The following OR2T6 variants were observed in gnomAD, a reference collection of about 807,000 sequenced individuals.
OR2T6 encodes olfactory receptor family 2 subfamily T member 6.
For synonymous variants in OR2T6, 174 were observed against 148.0 expected (o/e 1.18, Z -1.27); for missense variants, 424 against 391.6 (o/e 1.08, Z -0.70).
At chr1:248,383,338 C>T (rs78743512) in intron 1 of OR2T6, among the ~76,000 whole-genome samples, 9 of 101,910 alleles carry the variant, frequency 8.8e-5, no homozygotes, top group South Asian at 3.9e-4. Context: ...AAGCACTGCA[C>T]TAGCCTGAGT....
Position 248,387,798 on chromosome 1 carries a change from A to T in OR2T6, c.190A>T (p.Ser64Cys). Residue 64 changes from serine to cysteine, a missense_variant, in exon 3 of 3, where the codon AGC becomes TGC. Physicochemically the swap from Ser to Cys is moderately radical, Grantham distance 112. Transcript: ENST00000641644. ...CCACACCCCCATGTACTTCCTCCTC[A>T]GCCACCTCTCCGTCATTGACACATT... ...HLHTPMYFLL[S>C]HLSVIDTLYI... The T allele has an allele frequency of 6.2e-7, 1 of 1,610,500 alleles. No homozygotes were observed. Among genetic ancestry groups the T allele is most frequent in the South Asian group, 1.1e-5 (1 of 90,944 alleles).
chr1:248,387,215 G>A (rs945136435), intron 2 of OR2T6, among the ~76,000 whole-genome samples: 9 of 152,242 alleles, frequency 5.9e-5, no homozygotes, highest in Middle Eastern at 6.8e-3. Context: ...ATGGCCTATT[G>A]AATTATTTTA....
chr1:248,388,670 G>A lies in OR2T6; in HGVS notation c.*135G>A, dbSNP rs148195691. On this transcript the variant is annotated 3_prime_UTR_variant, in exon 3 of 3. Coordinates refer to ENST00000641644, the MANE Select transcript of OR2T6 (RefSeq NM_001005471.2). ...CTTTCAATACCAGCTGTGCTAAATG[G>A]TGTATCAACAGTACCCCCATCAAAA... The A allele has an allele frequency of 6.3e-4, 386 of 615,740 alleles. No homozygotes were observed. The highest frequency in any genetic ancestry group is 9.0e-4 in the Non-Finnish European group (335 of 371,222). The allele number at this position is 615,740 out of a possible 1,614,324, so 38.1% of individuals were successfully genotyped here.
chr1:248,390,883 A>G lies in OR2T6; in HGVS notation c.*2348A>G, dbSNP rs1056056904. ...TTTTTTATAAAATTTGACTTAATAC[A>G]TACTTTTTTTCTTGTAAGATTTTAA... On this transcript the variant is annotated 3_prime_UTR_variant, in exon 3 of 3. Transcript: ENST00000641644. 11 of 152,200 alleles carry G rather than the reference A, an allele frequency of 7.2e-5. No individual in the cohort carries two copies. Among genetic ancestry groups the G allele is most frequent in the African/African-American group, 1.4e-4 (6 of 41,450 alleles). 9.4% of individuals were successfully genotyped at this position (152,200 alleles called of 1,614,324 possible).
In OR2T6 at chr1:248,388,132, A is replaced by G. The variant is rs772603250; in HGVS notation, c.524A>G (p.Asn175Ser). The change falls in exon 3 of 3, where the codon AAT becomes AGT. Residue 175 changes from asparagine (N) to serine (S), a missense_variant. By Grantham distance (46) the Asn-to-Ser change is conservative. Coordinates refer to ENST00000641644, the MANE Select transcript of OR2T6 (RefSeq NM_001005471.2). Reference sequence around the variant, plus strand: ...CCGTTCTGTGCCTCTCACCAAATCAATCACTTTTTCTGTGAGGCACCCACC... The same window carrying G: ...CCGTTCTGTGCCTCTCACCAAATCAGTCACTTTTTCTGTGAGGCACCCACC... ...SLPFCASHQI[N>S]HFFCEAPTML... The G allele has an allele frequency of 4.3e-6, 7 of 1,613,620 alleles. 1 individual carries two copies. The South Asian group carries it at 7.7e-5, about 18-fold the overall frequency.
intron 1 of OR2T6, among the ~76,000 whole-genome samples, chr1:248,377,604 A>G (rs1333149319): frequency 6.6e-6 from 1 of 152,246 alleles, no homozygotes; most frequent in African/African-American, 2.4e-5. Context: ...CGCGTCACAG[A>G]AAGACTCAAG....
intron 1 of OR2T6, among the ~76,000 whole-genome samples, chr1:248,376,348 T>C (rs1660938757): frequency 6.6e-6 from 1 of 152,198 alleles, no homozygotes; most frequent in Non-Finnish European, 1.5e-5. Flanking sequence ...AGGAAATGAA[T>C]TAAGCATAAT....
intron 1 of OR2T6, among the ~76,000 whole-genome samples, chr1:248,383,454 A>G (rs1182290905): frequency 5.6e-5 from 3 of 53,238 alleles, no homozygotes; most frequent in Non-Finnish European, 1.3e-4. Flanking sequence ...TAGTGTTATC[A>G]TCATGGAGAA....
At chr1:248,378,232 A>G (rs1660970530) in intron 1 of OR2T6, among the ~76,000 whole-genome samples, 1 of 152,212 alleles carries the variant, frequency 6.6e-6, no homozygotes, top group South Asian at 2.1e-4. Flanking sequence ...TTGTACTTAC[A>G]CTAGCAGTGT....
rs116441189 is a variant in OR2T6, at chr1:248,387,894, G to A, written c.286G>A (p.Ala96Thr). The stretch of plus-strand genomic sequence containing the variant: ...GGGCGAGGGGACCATCTCTTTCATC[G>A]CCTGCACTGCTCAGTGCTTTCTCTA... ...LMGEGTISFI[A>T]CTAQCFLYMG... The change falls in exon 3 of 3, where the codon GCC (alanine) becomes ACC (threonine). Residue 96 changes from alanine (A) to threonine (T), a missense_variant. Physicochemically the swap from Ala to Thr is moderately conservative, Grantham distance 58. Coordinates refer to ENST00000641644, the MANE Select transcript of OR2T6 (RefSeq NM_001005471.2). 981 of 1,598,934 alleles carry A rather than the reference G, an allele frequency of 6.1e-4. 5 individuals are homozygous for A. In the African/African-American group the frequency reaches 0.011, roughly 18 times the overall value.
chr1:248,381,081 C>G (rs1030776455), intron 1 of OR2T6, among the ~76,000 whole-genome samples: 1 of 151,964 alleles, frequency 6.6e-6, no homozygotes, highest in Non-Finnish European at 1.5e-5. Context: ...CTCATTTCAT[C>G]ATATGCTTCG....
At chr1:248,385,315 A>G (rs749714052) in intron 2 of OR2T6, among the ~76,000 whole-genome samples, 4 of 152,200 alleles carry the variant, frequency 2.6e-5, no homozygotes, top group Admixed American at 6.5e-5. Context: ...AAAAAATTGA[A>G]TCGTTTCTGT....
In OR2T6 at chr1:248,376,070, C is replaced by T. The variant is rs1408548968; in HGVS notation, c.-159+16C>T. 6.6e-6 allele frequency: 1 copy of T among 152,182 alleles called. No homozygotes were observed. Among genetic ancestry groups the T allele is most frequent in the African/African-American group, 2.4e-5 (1 of 41,432 alleles). The allele number at this position is 152,182 out of a possible 1,614,324, so 9.4% of individuals were successfully genotyped here. Reference sequence around the variant, plus strand: ...ATACCTGTAAGTGATCCACTATCATCAACTTATATCTCCATACTCACAGTA... The same window carrying T: ...ATACCTGTAAGTGATCCACTATCATTAACTTATATCTCCATACTCACAGTA... On this transcript the variant is annotated intron_variant, in intron 1 of 2. Transcript: ENST00000641644.
At chr1:248,384,545 A>G (rs529631354) in intron 1 of OR2T6, among the ~76,000 whole-genome samples, 166 bp from the exon 2 acceptor site, 7 of 122,134 alleles carry the variant, frequency 5.7e-5, no homozygotes, top group Non-Finnish European at 3.3e-5. Context: ...TGTTATCATC[A>G]TGGAGAAAGC....
Position 248,387,618 on chromosome 1 carries a change from A to G in OR2T6, c.10A>G (p.Asn4Asp), listed in dbSNP as rs1219698582. 3 of 1,575,106 alleles carry G rather than the reference A, an allele frequency of 1.9e-6. No homozygotes were observed. Among genetic ancestry groups the G allele is most frequent in the East Asian group, 4.5e-5 (2 of 44,174 alleles). ...TTTCAAACTCAGTACCATGAATGAA[A>G]ACAATGAAACCTTGACCAGAGGCTT... MNE[N>D]NETLTRGFTL... is the part of the protein sequence containing the mutation. Residue 4 changes from asparagine to aspartate, a missense_variant, in exon 3 of 3, where the codon AAC (asparagine) becomes GAC (aspartate). Asn to Asp is a conservative substitution (Grantham distance 23). Coordinates refer to ENST00000641644, the MANE Select transcript of OR2T6 (RefSeq NM_001005471.2).
rs780845958 is a variant in OR2T6, at chr1:248,388,216, G to A, written c.608G>A (p.Cys203Tyr). The A allele has an allele frequency of 7.4e-6, 12 of 1,613,776 alleles. No individual in the cohort carries two copies. Among genetic ancestry groups the A allele is most frequent in the Admixed American group, 1.7e-5 (1 of 59,970 alleles). The change falls in exon 3 of 3, where the codon TGC becomes TAC. Residue 203 changes from cysteine (C) to tyrosine (Y), a missense_variant. Cys to Tyr is a radical substitution (Grantham distance 194). Coordinates refer to ENST00000641644, the MANE Select transcript of OR2T6 (RefSeq NM_001005471.2). ...TATGAAACAGTGATGTATGTGTGCT[G>A]CGTTGCAATGCTGCTGATCCCCTTC... ...TTYETVMYVC[C>Y]VAMLLIPFSV...
chr1:248,388,487 G>A lies in OR2T6; in HGVS notation c.879G>A (p.Arg293=). 1 of 1,597,906 alleles carries A rather than the reference G, an allele frequency of 6.3e-7. No homozygotes were observed. The highest frequency in any genetic ancestry group is 8.5e-7 in the Non-Finnish European group (1 of 1,172,208). ...TAAACCCTCTCATCTACAGTCTGAGGAACAGGGATGTGATGGGTGCCTTGA... is the reference window on the plus strand; with the variant it reads ...TAAACCCTCTCATCTACAGTCTGAGAAACAGGGATGTGATGGGTGCCTTGA... The part of the protein sequence containing the change: ...PLLNPLIYSL[R]NRDVMGALKR... The change falls in exon 3 of 3, where the codon AGG becomes AGA. Residue 293 remains arginine (R), a synonymous_variant. Transcript: ENST00000641644.
chr1:248,380,635 A>C (rs1661014191), intron 1 of OR2T6, among the ~76,000 whole-genome samples: 1 of 151,966 alleles, frequency 6.6e-6, no homozygotes. Flanking sequence ...GCTATATCCT[A>C]TAGGCTTCCA....
chr1:248,381,730 T>A (rs1244468405), intron 1 of OR2T6, among the ~76,000 whole-genome samples: 1 of 152,042 alleles, frequency 6.6e-6, no homozygotes, highest in East Asian at 1.9e-4. Flanking sequence ...CAATCATATT[T>A]ACATTATTTT....
Sources: allele counts gnomAD v4.1 joint callset (sites outside exome capture counted in the v4.1 genomes callset), GRCh38; gene constraint gnomAD v4.1.1; transcripts MANE v1.5; gene names NCBI Gene and HGNC (gene_info 2026-07-23, HGNC 2026-07-21).